SPIN1: variants seen among roughly 807,000 people sequenced by gnomAD.
SPIN1 encodes the protein spindlin 1.
Under a neutral mutation model 26.0 loss-of-function variants are expected in SPIN1, and 3 were observed. The ratio of observed to expected loss-of-function variants is 0.12; its 90% CI spans 0.05 to 0.30. The LOEUF (loss-of-function observed/expected upper bound fraction) is 0.30, where lower values mean the gene tolerates loss of function less well. Among genes scored for constraint, SPIN1 ranks in the 10% least tolerant of loss-of-function variants. The pLI is 1.00. For synonymous variants in SPIN1, 101 were observed against 116.5 expected, an observed-to-expected ratio of 0.87 and a Z score of 0.86; for missense variants, 126 against 333.4, an observed-to-expected ratio of 0.38 and a Z score of 4.84.
At chr9:88,398,335 G>A (rs866020117) in intron 1 of SPIN1, among the ~76,000 whole-genome samples, 2 of 152,030 alleles carry the variant, frequency 1.3e-5, no homozygotes, top group South Asian at 2.1e-4. Flanking sequence ...ATTAGTTTAT[G>A]TGATTTAATT....
At chr9:88,433,114 G>A (rs1297938982) in intron 2 of SPIN1, among the ~76,000 whole-genome samples, 1 of 151,094 alleles carries the variant, frequency 6.6e-6, no homozygotes, top group Non-Finnish European at 1.5e-5. Context: ...GGGTCTCGCC[G>A]TGTCACCCAG....
At chr9:88,442,169 T>A (rs1297124689) in intron 2 of SPIN1, among the ~76,000 whole-genome samples, 2 of 151,804 alleles carry the variant, frequency 1.3e-5, no homozygotes, top group African/African-American at 2.4e-5. Flanking sequence ...ACAAGGCAGG[T>A]CTGTTGGTGA....
intron 1 of SPIN1, among the ~76,000 whole-genome samples, chr9:88,406,068 T>C (rs1014582201): frequency 1.3e-5 from 2 of 151,352 alleles, no homozygotes; most frequent in Non-Finnish European, 2.9e-5. Flanking sequence ...GATAGGGTTT[T>C]GCCGCTTGCC....
At chr9:88,442,284 C>T (rs1828150491) in intron 2 of SPIN1, among the ~76,000 whole-genome samples, 1 of 151,738 alleles carries the variant, frequency 6.6e-6, no homozygotes, top group Admixed American at 6.6e-5. Flanking sequence ...TTTTTTTCCT[C>T]TCAACACTTT....
intron 1 of SPIN1, among the ~76,000 whole-genome samples, chr9:88,417,106 T>C (rs548954730): frequency 1.2e-4 from 18 of 152,378 alleles, no homozygotes; most frequent in Non-Finnish European, 2.4e-4. Context: ...TGTTATTCTT[T>C]GTAACTACAT....
intron 2 of SPIN1, among the ~76,000 whole-genome samples, chr9:88,432,338 G>A (rs1191200238): frequency 2.0e-5 from 3 of 151,734 alleles, no homozygotes; most frequent in South Asian, 2.1e-4. Flanking sequence ...ACAGGCATGC[G>A]CTACTGCCCT....
At position 88,414,119 on chromosome 9, in the gene SPIN1, C is replaced by T. The variant is rs997684105; in HGVS notation, c.-158-12263C>T. On this transcript the variant is annotated intron_variant, in intron 1 of 5. Transcript: ENST00000375859. The stretch of plus-strand genomic sequence containing the variant: ...AGGTCTCAGATATGAAGTGTTCATG[C>T]CCTCCTGTGGAGACAGGGTATTAAC... 2.0e-5 allele frequency among the ~76,000 whole-genome samples: 3 copies of T among 152,092 alleles called. No individual in the cohort carries two copies. The East Asian group carries it at 5.8e-4, about 29-fold the overall frequency.
Position 88,411,305 on chromosome 9 carries a change from C to G in SPIN1, c.-158-15077C>G. 5 of 1,350,608 alleles carry G rather than the reference C, an allele frequency of 3.7e-6. No homozygotes were observed. The South Asian group carries it at 4.7e-5, about 13-fold the overall frequency. 83.7% of individuals were successfully genotyped at this position (1,350,608 alleles called of 1,614,324 possible). ...TGTGACAAACTCAAAGCCCCTGGAGCACTTGGTGTTTGGATCTCTCATTAC... is the reference window on the plus strand; with the variant it reads ...TGTGACAAACTCAAAGCCCCTGGAGGACTTGGTGTTTGGATCTCTCATTAC... On this transcript the variant is annotated intron_variant, in intron 1 of 5. Coordinates refer to ENST00000375859, the MANE Select transcript of SPIN1 (RefSeq NM_006717.3).
At chr9:88,389,429 C>T (rs1000367905) in intron 1 of SPIN1, 1 of 152,198 alleles carries the variant, frequency 6.6e-6, no homozygotes, top group African/African-American at 2.4e-5. Flanking sequence ...TGAGTAATGG[C>T]TTCAGTAATG....
Position 88,448,974 on chromosome 9 carries a change from A to G in SPIN1, c.86A>G (p.Lys29Arg), listed in dbSNP as rs1564037021. 1.2e-6 allele frequency: 2 copies of G among 1,612,934 alleles called. No individual in the cohort carries two copies. Among genetic ancestry groups the G allele is most frequent in the African/African-American group, 1.3e-5 (1 of 74,636 alleles). ...GGAGTATCTGCCAACATGATGAAGAAGAGGACATCCCACAAGTAAGCAGTT... is the reference window on the plus strand; with the variant it reads ...GGAGTATCTGCCAACATGATGAAGAGGAGGACATCCCACAAGTAAGCAGTT... Reference protein sequence around the residue: ...HAGVSANMMKKRTSHKKHRSS... With the variant: ...HAGVSANMMKRRTSHKKHRSS... The change falls in exon 3 of 6, where the codon AAG becomes AGG. Residue 29 changes from lysine (K) to arginine (R), a missense_variant. Physicochemically the swap from Lys to Arg is conservative, Grantham distance 26. Coordinates refer to ENST00000375859, the MANE Select transcript of SPIN1 (RefSeq NM_006717.3).
intron 1 of SPIN1, among the ~76,000 whole-genome samples, chr9:88,407,562 G>T (rs1221694706): frequency 2.0e-5 from 3 of 151,838 alleles, no homozygotes; most frequent in African/African-American, 7.3e-5. Flanking sequence ...TGTAATCCCA[G>T]CACTTTGGGA....
At chr9:88,403,575 G>A (rs1048332886) in intron 1 of SPIN1, among the ~76,000 whole-genome samples, 4 of 152,106 alleles carry the variant, frequency 2.6e-5, no homozygotes, top group African/African-American at 9.7e-5. Flanking sequence ...GCTGTGTGTG[G>A]TGGCACACAC....
At chr9:88,410,489 C>A in intron 1 of SPIN1, 2 of 746,440 alleles carry the variant, frequency 2.7e-6, no homozygotes, top group East Asian at 2.6e-5. Context: ...TTCTCTGTCA[C>A]TTCTCTGGTT....
At chr9:88,469,589 A>G (rs1011173210) in intron 5 of SPIN1, among the ~76,000 whole-genome samples, 1 of 140,572 alleles carries the variant, frequency 7.1e-6, no homozygotes, top group African/African-American at 3.2e-5. Flanking sequence ...GTCTTGGCTC[A>G]CTGCAACCTC....
At chr9:88,402,733 A>G (rs747962625) in intron 1 of SPIN1, among the ~76,000 whole-genome samples, 3 of 152,062 alleles carry the variant, frequency 2.0e-5, no homozygotes, top group South Asian at 2.1e-4. Context: ...GGTTGATTCT[A>G]TATCTTTGCT....
chr9:88,430,264 A>G (rs568911735), intron 2 of SPIN1, among the ~76,000 whole-genome samples: 12 of 152,332 alleles, frequency 7.9e-5, no homozygotes, highest in Admixed American at 3.9e-4. Flanking sequence ...TAGGACTTAA[A>G]TAGCCTGGAG....
intron 5 of SPIN1, among the ~76,000 whole-genome samples, chr9:88,471,654 CAAAAA>C (rs1166469042): frequency 1.7e-4 from 10 of 59,758 alleles, no homozygotes; most frequent in African/African-American, 6.1e-4. Context: ...GACTCTGTCT[CAAAAA>C]AAAAAAAAAA....
intron 1 of SPIN1, among the ~76,000 whole-genome samples, chr9:88,400,403 C>G (rs1827161475): frequency 6.6e-6 from 1 of 152,158 alleles, no homozygotes; most frequent in African/African-American, 2.4e-5. Context: ...AGCAGAGATT[C>G]TGGGTTCAGT....
At chr9:88,474,321 T>G (rs1030193678) in intron 5 of SPIN1, among the ~76,000 whole-genome samples, 4 of 152,074 alleles carry the variant, frequency 2.6e-5, no homozygotes, top group Non-Finnish European at 5.9e-5. Context: ...TTGTTGTTGG[T>G]GGTGATGGTT....
Sources: gnomAD v4.1 joint callset for allele counts (sites outside exome capture counted in the v4.1 genomes callset) on GRCh38, gnomAD v4.1.1 for gene constraint, MANE v1.5 for transcripts, NCBI Gene and HGNC (gene_info 2026-07-23, HGNC 2026-07-21) for gene names.